The following GRIA4 variants were observed in gnomAD, a reference collection of about 807,000 sequenced individuals.
GRIA4 encodes the protein glutamate receptor 4.
In GRIA4, 34 loss-of-function variants were observed where a neutral mutation model predicts 104.0. The observed-to-expected ratio is 0.33, with a 90% CI of 0.25 to 0.44. The LOEUF is 0.44. Among genes scored for constraint, GRIA4 ranks in the 20% least tolerant of loss-of-function variants. The pLI, the probability that GRIA4 is intolerant of heterozygous loss-of-function variation, is 1.00. For missense variants in GRIA4, 750 were observed against 1,096.5 expected (o/e 0.68, Z 4.46); for synonymous variants, 386 against 381.9 (o/e 1.01, Z -0.13).
chr11:105,615,662 T>G (rs1007669434), intron 3 of GRIA4, among the ~76,000 whole-genome samples: 2 of 151,846 alleles, frequency 1.3e-5, no homozygotes, highest in Non-Finnish European at 3.0e-5. Context: ...AATTAAAATG[T>G]CATATTGTTG....
At chr11:105,758,918 A>G (rs897368955) in intron 4 of GRIA4, among the ~76,000 whole-genome samples, 1 of 152,176 alleles carries the variant, frequency 6.6e-6, no homozygotes, top group Admixed American at 6.6e-5. Flanking sequence ...TTTCAGTTCT[A>G]TAGCACAGAT....
chr11:105,789,065 T>C (rs1942099369), intron 4 of GRIA4, among the ~76,000 whole-genome samples: 2 of 151,990 alleles, frequency 1.3e-5, no homozygotes, highest in South Asian at 4.1e-4. Flanking sequence ...ATAAAATAAT[T>C]TAATGGAATC....
chr11:105,782,004 C>A (rs934369124), intron 4 of GRIA4, among the ~76,000 whole-genome samples: 1 of 152,140 alleles, frequency 6.6e-6, no homozygotes, highest in Non-Finnish European at 1.5e-5. Context: ...TAGGAAAAAT[C>A]TTGTTTTCCA....
At chr11:105,683,082 T>A (rs1952761954) in intron 3 of GRIA4, among the ~76,000 whole-genome samples, 1 of 152,124 alleles carries the variant, frequency 6.6e-6, no homozygotes, top group African/African-American at 2.4e-5. Flanking sequence ...CTCTAAAAAA[T>A]AAATTTGCTA....
chr11:105,957,966 C>G (rs555469848), intron 14 of GRIA4, among the ~76,000 whole-genome samples: 1 of 152,124 alleles, frequency 6.6e-6, no homozygotes, highest in African/African-American at 2.4e-5. Context: ...GATTTTGTAT[C>G]CTGAGACTTT....
intron 3 of GRIA4, among the ~76,000 whole-genome samples, chr11:105,708,514 T>C (rs1953790240): frequency 6.6e-6 from 1 of 152,148 alleles, no homozygotes; most frequent in Admixed American, 6.6e-5. Context: ...TGTTTATTTG[T>C]AATACAGTTA....
chr11:105,854,121 T>C (rs1944922190), intron 4 of GRIA4, among the ~76,000 whole-genome samples: 1 of 152,096 alleles, frequency 6.6e-6, no homozygotes, highest in African/African-American at 2.4e-5. Context: ...CCTCCTGACT[T>C]CATGAGCTTA....
intron 3 of GRIA4, among the ~76,000 whole-genome samples, chr11:105,690,060 A>C (rs867627713): frequency 2.0e-5 from 3 of 152,220 alleles, no homozygotes; most frequent in Non-Finnish European, 4.4e-5. Flanking sequence ...GGCAGGATCC[A>C]AGAATCATTT....
chr11:105,847,902 A>G (rs1944655425), intron 4 of GRIA4, among the ~76,000 whole-genome samples: 1 of 152,224 alleles, frequency 6.6e-6, no homozygotes, highest in Admixed American at 6.5e-5. Flanking sequence ...CTTTGTAACT[A>G]TCTGGTGAGC....
chr11:105,800,271 G>T (rs1942665023), intron 4 of GRIA4, among the ~76,000 whole-genome samples: 1 of 151,948 alleles, frequency 6.6e-6, no homozygotes, highest in Non-Finnish European at 1.5e-5. Context: ...GTGAAAGGGT[G>T]AAATCAAGAG....
intron 4 of GRIA4, among the ~76,000 whole-genome samples, chr11:105,832,802 G>A (rs1480048942): frequency 6.6e-6 from 1 of 151,986 alleles, no homozygotes; most frequent in Non-Finnish European, 1.5e-5. Context: ...GGCATTTTTA[G>A]TGACTGTATT....
chr11:105,918,746 A>G lies in GRIA4; in HGVS notation c.1304A>G (p.Glu435Gly). 1 of 1,588,670 alleles carries G rather than the reference A, an allele frequency of 6.3e-7. No individual in the cohort carries two copies. Among genetic ancestry groups the G allele is most frequent in the Non-Finnish European group, 8.6e-7 (1 of 1,157,300 alleles). The change falls in exon 11 of 17, where the codon GAA becomes GGA. Residue 435 changes from glutamate (E) to glycine (G), a missense_variant. Transcript: ENST00000282499. Reference sequence around the variant, plus strand: ...TATGTTATGTACAAGAAAAATCATGAAATGTTTGAAGGAAATGACAAGTAT... The same window carrying G: ...TATGTTATGTACAAGAAAAATCATGGAATGTTTGAAGGAAATGACAAGTAT... ...SPYVMYKKNHEMFEGNDKYEG... is the reference protein window; with the variant it reads ...SPYVMYKKNHGMFEGNDKYEG...
intron 5 of GRIA4, among the ~76,000 whole-genome samples, chr11:105,874,734 G>T (rs1420521885): frequency 1.3e-5 from 2 of 152,124 alleles, no homozygotes; most frequent in African/African-American, 2.4e-5. Context: ...TTGGTGTAAA[G>T]AAATGCTTGT....
At chr11:105,617,063 G>C (rs1259063796) in intron 3 of GRIA4, among the ~76,000 whole-genome samples, 4 of 150,156 alleles carry the variant, frequency 2.7e-5, no homozygotes, top group Non-Finnish European at 5.9e-5. Flanking sequence ...AATCTGGAAA[G>C]TGTTATTTTT....
intron 4 of GRIA4, among the ~76,000 whole-genome samples, chr11:105,772,158 C>A (rs1217962155): frequency 1.3e-5 from 2 of 152,184 alleles, no homozygotes; most frequent in African/African-American, 4.8e-5. Context: ...CAGCACAACT[C>A]TCCACTAAAT....
chr11:105,926,834 G>C lies in GRIA4; in HGVS notation c.1941G>C (p.Thr647=). 6.2e-7 allele frequency: 1 copy of C among 1,610,708 alleles called. No homozygotes were observed. Among genetic ancestry groups the C allele is most frequent in the Non-Finnish European group, 8.5e-7 (1 of 1,177,240 alleles). ...CTGCTAACCTCGCTGCTTTCCTGAC[G>C]GTTGAGCGAATGGTCTCTCCCATAG... ...SYTANLAAFL[T]VERMVSPIES... Residue 647 remains threonine, a synonymous_variant, in exon 13 of 17, where the codon ACG becomes ACC. Coordinates refer to ENST00000282499, the MANE Select transcript of GRIA4 (RefSeq NM_000829.4).
chr11:105,782,861 TC>T, intron 4 of GRIA4, among the ~76,000 whole-genome samples: 1 of 152,308 alleles, frequency 6.6e-6, no homozygotes, highest in African/African-American at 2.4e-5. Context: ...GTTTGAGGTC[TC>T]GCTTCAGCAT....
chr11:105,898,220 C>A, intron 6 of GRIA4, 49 bp from the exon 7 acceptor site: 1 of 909,806 alleles, frequency 1.1e-6, no homozygotes, highest in Non-Finnish European at 1.8e-6. Flanking sequence ...TGAAGAGCTG[C>A]CATGTATAAT....
intron 3 of GRIA4, among the ~76,000 whole-genome samples, chr11:105,660,393 A>T (rs1951972899): frequency 6.6e-6 from 1 of 151,814 alleles, no homozygotes; most frequent in East Asian, 1.9e-4. Flanking sequence ...GACATTACAG[A>T]TCTAGGGACA....
Sources: gnomAD v4.1 joint callset for allele counts (sites outside exome capture counted in the v4.1 genomes callset) on GRCh38, gnomAD v4.1.1 for gene constraint, MANE v1.5 for transcripts, NCBI Gene and HGNC (gene_info 2026-07-23, HGNC 2026-07-21) for gene names.